The following KCNJ6 variants were observed in gnomAD, a reference collection of about 807,000 sequenced individuals.
The protein encoded by KCNJ6 is G protein-activated inward rectifier potassium channel 2.
In KCNJ6, 9 loss-of-function variants were observed where a neutral mutation model predicts 34.2. The observed-to-expected ratio is 0.26, with a 90% CI of 0.16 to 0.46. The LOEUF (loss-of-function observed/expected upper bound fraction) is 0.46. KCNJ6 is among the 20% of genes least tolerant of loss of function. The probability of loss-of-function intolerance (pLI) is 1.00; values close to 1 mark genes in which losing one functional copy is unlikely to be tolerated. For synonymous variants in KCNJ6, 196 were observed against 207.1 expected (o/e 0.95, Z 0.46); for missense variants, 236 against 531.3 (o/e 0.44, Z 5.46).
At chr21:37,703,546 T>C (rs1309737526) in intron 3 of KCNJ6, among the ~76,000 whole-genome samples, 1 of 152,114 alleles carries the variant, frequency 6.6e-6, no homozygotes, top group Non-Finnish European at 1.5e-5. Flanking sequence ...GACTAAACAT[T>C]TATATTAAAT....
chr21:37,829,134 A>C (rs865972704), intron 2 of KCNJ6, among the ~76,000 whole-genome samples: 10 of 123,096 alleles, frequency 8.1e-5, no homozygotes, highest in African/African-American at 1.9e-4. Context: ...CAGAAGTGGG[A>C]GTGGCGGGAG....
chr21:37,727,742 G>C (rs1280898663), intron 2 of KCNJ6, among the ~76,000 whole-genome samples: 1 of 152,164 alleles, frequency 6.6e-6, no homozygotes, highest in African/African-American at 2.4e-5. Context: ...CGAATATTTG[G>C]GAGGAACGGA....
chr21:37,728,368 T>C (rs1420964319), intron 2 of KCNJ6, among the ~76,000 whole-genome samples: 1 of 152,234 alleles, frequency 6.6e-6, no homozygotes, highest in Non-Finnish European at 1.5e-5. Context: ...GTTCTGGAAA[T>C]GGATGGTATT....
chr21:37,759,341 G>C (rs968806231), intron 2 of KCNJ6, among the ~76,000 whole-genome samples: 1 of 152,200 alleles, frequency 6.6e-6, no homozygotes, highest in Non-Finnish European at 1.5e-5. Context: ...GGACTGCACT[G>C]AACGGCAGAA....
intron 2 of KCNJ6, among the ~76,000 whole-genome samples, chr21:37,821,777 A>G (rs114698957): frequency 0.015 from 2,237 of 152,306 alleles, 48 homozygotes; most frequent in African/African-American, 0.051. Context: ...CAAATAGTAA[A>G]TTCTACTCTA....
chr21:37,685,673 T>A (rs1348756946), intron 3 of KCNJ6, among the ~76,000 whole-genome samples: 1 of 42,234 alleles, frequency 2.4e-5, no homozygotes, highest in Non-Finnish European at 4.0e-5. Flanking sequence ...AGAGTGAGAC[T>A]CTGTCTCCAA....
intron 2 of KCNJ6, 48 bp from the exon 3 acceptor site, chr21:37,715,179 C>CT: frequency 6.6e-7 from 1 of 1,507,126 alleles, no homozygotes; most frequent in Non-Finnish European, 9.0e-7. Flanking sequence ...AAGGCTGGCT[C>CT]TTTGAGGACA....
intron 3 of KCNJ6, among the ~76,000 whole-genome samples, chr21:37,680,982 T>G (rs1258832918): frequency 2.0e-5 from 3 of 152,172 alleles, no homozygotes; most frequent in Non-Finnish European, 2.9e-5. Context: ...ATCTAGCTGC[T>G]CGCCAGGACA....
At position 37,806,236 on chromosome 21, in the gene KCNJ6, G is replaced by A. The variant is rs144362914; in HGVS notation, c.25+34422C>T. 8.5e-5 allele frequency among the ~76,000 whole-genome samples: 13 copies of A among 152,294 alleles called. No individual in the cohort carries two copies. The East Asian group carries it at 1.2e-3, about 14-fold the overall frequency. On this transcript the variant is annotated intron_variant, in intron 2 of 3. Transcript: ENST00000609713. ...AAGTTGTTTACCCCAGGTAGATAGC[G>A]GATGGGGACTGAGGATTTACTTCAG... is the stretch of plus-strand genomic sequence containing the variant.
intron 2 of KCNJ6, among the ~76,000 whole-genome samples, chr21:37,824,587 G>C (rs2055389840): frequency 6.6e-6 from 1 of 152,078 alleles, no homozygotes; most frequent in Non-Finnish European, 1.5e-5. Flanking sequence ...CTGGTGGGAG[G>C]TAATTTGATC....
chr21:37,713,499 C>T (rs2054773619), intron 3 of KCNJ6, among the ~76,000 whole-genome samples: 1 of 152,126 alleles, frequency 6.6e-6, no homozygotes, highest in Admixed American at 6.6e-5. Flanking sequence ...AAATTTCAGA[C>T]ATGAGCGAAG....
chr21:37,704,733 A>G (rs2054710399), intron 3 of KCNJ6, among the ~76,000 whole-genome samples: 1 of 152,156 alleles, frequency 6.6e-6, no homozygotes, highest in Non-Finnish European at 1.5e-5. Context: ...TGGAAACCCC[A>G]GCCGAGCTTA....
intron 3 of KCNJ6, among the ~76,000 whole-genome samples, chr21:37,685,914 A>G (rs1410003891): frequency 6.6e-6 from 1 of 152,082 alleles, no homozygotes; most frequent in Non-Finnish European, 1.5e-5. Flanking sequence ...GCAGTTGACC[A>G]TATACAAAAT....
At chr21:37,753,309 C>T (rs1266841910) in intron 2 of KCNJ6, among the ~76,000 whole-genome samples, 1 of 152,166 alleles carries the variant, frequency 6.6e-6, no homozygotes, top group East Asian at 1.9e-4. Context: ...CAGCTGTGAT[C>T]CTGAACGTCC....
chr21:37,879,422 A>G (rs2055695364), intron 1 of KCNJ6, among the ~76,000 whole-genome samples: 1 of 152,110 alleles, frequency 6.6e-6, no homozygotes, highest in Non-Finnish European at 1.5e-5. Flanking sequence ...GCTTCTCTGC[A>G]CTGGAAAAAG....
At chr21:37,913,376 C>T (rs1044998366) in intron 1 of KCNJ6, among the ~76,000 whole-genome samples, 2 of 152,230 alleles carry the variant, frequency 1.3e-5, no homozygotes, top group East Asian at 1.9e-4. Context: ...CTTGCTCACA[C>T]GCAGGCTTGA....
chr21:37,880,556 T>C (rs1033052768), intron 1 of KCNJ6, among the ~76,000 whole-genome samples: 5 of 152,040 alleles, frequency 3.3e-5, no homozygotes, highest in East Asian at 1.9e-4. Flanking sequence ...CCTCAGAAAA[T>C]GGGATTCCCA....
intron 3 of KCNJ6, among the ~76,000 whole-genome samples, chr21:37,649,813 C>T (rs1347493669): frequency 3.3e-5 from 5 of 152,194 alleles, no homozygotes; most frequent in African/African-American, 7.2e-5. Context: ...AGTGCAGTGG[C>T]GCCATCTCGG....
In KCNJ6 at chr21:37,621,084, C is replaced by T. The variant is rs2054288472; in HGVS notation, c.*4075G>A. ...TTATGTATATGTTACCTATGTTTTTCAATGTTAAAGCCATCCATTGAAAGG... is the reference window on the plus strand; with the variant it reads ...TTATGTATATGTTACCTATGTTTTTTAATGTTAAAGCCATCCATTGAAAGG... On this transcript the variant is annotated 3_prime_UTR_variant, in exon 4 of 4. Coordinates refer to ENST00000609713, the MANE Select transcript of KCNJ6 (RefSeq NM_002240.5). The T allele has an allele frequency of 6.6e-6, 1 of 152,040 alleles. No homozygotes were observed. The highest frequency in any genetic ancestry group is 1.5e-5 in the Non-Finnish European group (1 of 67,996). The allele number at this position is 152,040 out of a possible 1,614,324, so 9.4% of individuals were successfully genotyped here. A position where few individuals can be genotyped will look rare whatever the true frequency, so the allele number is the denominator to read the frequency against.
Sources: allele counts gnomAD v4.1 joint callset (sites outside exome capture counted in the v4.1 genomes callset), GRCh38; gene constraint gnomAD v4.1.1; transcripts MANE v1.5; gene names NCBI Gene and HGNC (gene_info 2026-07-23, HGNC 2026-07-21).